Variants in ATF7IP2 observed in about 807,000 individuals in gnomAD.
ATF7IP2 encodes the protein activating transcription factor 7-interacting protein 2.
A neutral mutation model predicts 64.2 loss-of-function variants in ATF7IP2; 42 were observed. The observed-to-expected ratio is 0.65, with a 90% CI of 0.51 to 0.85. The LOEUF is 0.85. Ranked by LOEUF, ATF7IP2 falls within the 40% of genes least tolerant of loss-of-function variation. The pLI is 0.00. For missense variants in ATF7IP2, 933 were observed against 784.2 expected, an observed-to-expected ratio of 1.19 and a Z score of -2.27; for synonymous variants, 308 against 272.8, an observed-to-expected ratio of 1.13 and a Z score of -1.27.
intron 6 of ATF7IP2, 138 bp from the exon 7 acceptor site, chr16:10,437,963 A>G: frequency 1.7e-6 from 1 of 585,318 alleles, no homozygotes; most frequent in South Asian, 3.6e-5. Context: ...GTATAGTTAT[A>G]TAAACATACA....
intron 1 of ATF7IP2, among the ~76,000 whole-genome samples, chr16:10,393,886 T>G (rs2047375457): frequency 6.6e-6 from 1 of 151,960 alleles, no homozygotes; most frequent in Non-Finnish European, 1.5e-5. Context: ...ACAAAAAAAT[T>G]TTAAAATTAG....
chr16:10,465,438 C>T (rs374572786), intron 9 of ATF7IP2, among the ~76,000 whole-genome samples: 1 of 151,832 alleles, frequency 6.6e-6, no homozygotes, highest in Non-Finnish European at 1.5e-5. Context: ...GTTTCCCTCC[C>T]AGATGTGGTT....
chr16:10,441,788 C>G (rs2048632303), intron 8 of ATF7IP2, among the ~76,000 whole-genome samples: 1 of 152,086 alleles, frequency 6.6e-6, no homozygotes, highest in Admixed American at 6.5e-5. Context: ...GTTGCTGTTG[C>G]TTTTGGTGTT....
chr16:10,400,501 T>C (rs949227738), intron 1 of ATF7IP2, among the ~76,000 whole-genome samples: 9 of 152,256 alleles, frequency 5.9e-5, no homozygotes, highest in African/African-American at 1.9e-4. Flanking sequence ...TTGATTGCTG[T>C]GGCCTCCAGG....
intron 1 of ATF7IP2, among the ~76,000 whole-genome samples, chr16:10,393,916 C>T (rs1316018927): frequency 6.6e-6 from 1 of 152,152 alleles, no homozygotes; most frequent in Non-Finnish European, 1.5e-5. Flanking sequence ...ATGGCACATA[C>T]GTGTAGTCCC....
rs1157099556 is a variant in ATF7IP2 at position 10,452,942 on chromosome 16, C to G, written c.1195-4430C>G. ...GGTCAATGCCCCTCCCCTCACCAAG[C>G]TTGACCATCCCAGGTCAACCTCAGA... is the stretch of plus-strand genomic sequence containing the variant. On this transcript the variant is annotated intron_variant, in intron 8 of 13. Transcript: ENST00000562102. 3.3e-5 allele frequency among the ~76,000 whole-genome samples: 5 copies of G among 152,236 alleles called. No homozygotes were observed. In the South Asian group the frequency reaches 1.0e-3, roughly 32 times the overall value.
intron 1 of ATF7IP2, among the ~76,000 whole-genome samples, chr16:10,403,881 C>T (rs1163090291): frequency 6.6e-6 from 1 of 152,122 alleles, no homozygotes; most frequent in Admixed American, 6.5e-5. Flanking sequence ...TTTAAATTAA[C>T]CTAGTGAGAC....
intron 9 of ATF7IP2, among the ~76,000 whole-genome samples, chr16:10,467,725 G>GT (rs1377308056): frequency 1.3e-5 from 2 of 151,492 alleles, no homozygotes; most frequent in African/African-American, 4.9e-5. Flanking sequence ...GTAATGTTTT[G>GT]TATTTTTAGC....
chr16:10,467,197 A>G (rs995022211), intron 9 of ATF7IP2, among the ~76,000 whole-genome samples: 3 of 152,146 alleles, frequency 2.0e-5, no homozygotes, highest in Non-Finnish European at 4.4e-5. Context: ...GAAAGCTTAG[A>G]CTGTTTGCCA....
intron 2 of ATF7IP2, among the ~76,000 whole-genome samples, chr16:10,418,328 A>G (rs1021634697): frequency 6.6e-6 from 1 of 152,216 alleles, no homozygotes; most frequent in Non-Finnish European, 1.5e-5. Context: ...CATCATAGCT[A>G]TCACAAGCAT....
intron 10 of ATF7IP2, among the ~76,000 whole-genome samples, chr16:10,472,803 C>T (rs1191764938): frequency 6.7e-6 from 1 of 148,530 alleles, no homozygotes; most frequent in Non-Finnish European, 1.5e-5. Context: ...CTGCAGTGAG[C>T]TGAGATCGTG....
chr16:10,421,011 A>G (rs2047979032), intron 3 of ATF7IP2, among the ~76,000 whole-genome samples: 1 of 152,220 alleles, frequency 6.6e-6, no homozygotes, highest in South Asian at 2.1e-4. Context: ...TTGTTTTAGG[A>G]AAATGGTTAT....
intron 1 of ATF7IP2, among the ~76,000 whole-genome samples, chr16:10,394,143 C>G (rs1596418335): frequency 1.3e-5 from 2 of 152,272 alleles, no homozygotes; most frequent in East Asian, 3.9e-4. Context: ...AGGCTGTTTA[C>G]AGGAGACAGA....
At chr16:10,399,037 C>T (rs1596434022) in intron 1 of ATF7IP2, among the ~76,000 whole-genome samples, 1 of 152,008 alleles carries the variant, frequency 6.6e-6, no homozygotes, top group Non-Finnish European at 1.5e-5. Flanking sequence ...CGCTTGAACC[C>T]GTGAGGCGGA....
At chr16:10,478,222 C>T in intron 12 of ATF7IP2, among the ~76,000 whole-genome samples, 1 of 149,438 alleles carries the variant, frequency 6.7e-6, no homozygotes, top group Non-Finnish European at 1.5e-5. Context: ...AAGAACAAAG[C>T]TGGAGGCATC....
intron 5 of ATF7IP2, among the ~76,000 whole-genome samples, chr16:10,432,583 A>T (rs933452109): frequency 2.6e-5 from 4 of 151,758 alleles, no homozygotes; most frequent in African/African-American, 4.8e-5. Context: ...AAGAAAAAAA[A>T]AGAAGCCGGG....
At chr16:10,451,082 T>G (rs895569073) in intron 8 of ATF7IP2, among the ~76,000 whole-genome samples, 1 of 152,238 alleles carries the variant, frequency 6.6e-6, no homozygotes, top group Non-Finnish European at 1.5e-5. Context: ...GAAGCTTAGT[T>G]TGGCTGGATA....
chr16:10,392,831 A>C (rs2047353388), intron 1 of ATF7IP2, among the ~76,000 whole-genome samples: 1 of 151,496 alleles, frequency 6.6e-6, no homozygotes, highest in African/African-American at 2.4e-5. Context: ...TTTAAAAAAA[A>C]AAAAAAATTA....
At chr16:10,395,998 T>C (rs959256232) in intron 1 of ATF7IP2, among the ~76,000 whole-genome samples, 2 of 152,038 alleles carry the variant, frequency 1.3e-5, no homozygotes, top group African/African-American at 2.4e-5. Context: ...GATAACATGA[T>C]TTAATATGTA....
Sources: gnomAD v4.1 joint callset for allele counts (sites outside exome capture counted in the v4.1 genomes callset) on GRCh38, gnomAD v4.1.1 for gene constraint, MANE v1.5 for transcripts, NCBI Gene and HGNC (gene_info 2026-07-23, HGNC 2026-07-21) for gene names.